The following GRIA4 variants were observed in gnomAD, a reference collection of about 807,000 sequenced individuals.
The protein encoded by GRIA4 is glutamate ionotropic receptor AMPA type subunit 4, also known as glutamate receptor 4.
GRIA4 carries 34 observed loss-of-function variants against 104.0 expected under a neutral mutation model. The ratio of observed to expected loss-of-function variants is 0.33; its 90% CI spans 0.25 to 0.44. The LOEUF (loss-of-function observed/expected upper bound fraction) is 0.44. Among genes scored for constraint, GRIA4 ranks in the 20% least tolerant of loss-of-function variants. GRIA4 has a pLI of 1.00. For missense variants in GRIA4, 750 were observed against 1,096.5 expected (o/e 0.68, Z 4.46); for synonymous variants, 386 against 381.9 (o/e 1.01, Z -0.13).
At chr11:105,912,039 G>GAA in intron 10 of GRIA4, 2 of 1,113,552 alleles carry the variant, frequency 1.8e-6, no homozygotes, top group Non-Finnish European at 2.3e-6. Context: ...TGGACTACCA[G>GAA]AAAAAAAAAA....
At chr11:105,649,232 T>A (rs867399270) in intron 3 of GRIA4, among the ~76,000 whole-genome samples, 2 of 152,276 alleles carry the variant, frequency 1.3e-5, no homozygotes, top group Middle Eastern at 3.4e-3. Context: ...TATATTATAA[T>A]AGATCAGAGA....
intron 8 of GRIA4, among the ~76,000 whole-genome samples, chr11:105,904,919 T>C (rs753022214): frequency 2.0e-5 from 3 of 152,206 alleles, no homozygotes; most frequent in Middle Eastern, 3.4e-3. Flanking sequence ...TACTTTACAA[T>C]TGAGGGAGGA....
At chr11:105,643,483 T>C (rs1397754288) in intron 3 of GRIA4, among the ~76,000 whole-genome samples, 1 of 152,164 alleles carries the variant, frequency 6.6e-6, no homozygotes, top group Non-Finnish European at 1.5e-5. Context: ...CCATGTTTCT[T>C]TATGATTTAC....
chr11:105,921,310 T>G (rs919073050), intron 11 of GRIA4, among the ~76,000 whole-genome samples: 10 of 132,526 alleles, frequency 7.5e-5, no homozygotes, highest in South Asian at 5.6e-4. Flanking sequence ...CACTTGGGTG[T>G]GTGTGTGTGT....
At chr11:105,942,696 T>A (rs1477039049) in intron 14 of GRIA4, among the ~76,000 whole-genome samples, 1 of 152,110 alleles carries the variant, frequency 6.6e-6, no homozygotes, top group Non-Finnish European at 1.5e-5. Flanking sequence ...GTTTTTGTGA[T>A]GCTTTCATGC....
chr11:105,762,379 A>G (rs564155483), intron 4 of GRIA4, among the ~76,000 whole-genome samples: 11 of 152,208 alleles, frequency 7.2e-5, no homozygotes, highest in Non-Finnish European at 1.5e-4. Flanking sequence ...AGAGTCGGGT[A>G]AAAACGTTGC....
chr11:105,710,995 A>G (rs1953889561), intron 3 of GRIA4, among the ~76,000 whole-genome samples: 1 of 152,114 alleles, frequency 6.6e-6, no homozygotes, highest in South Asian at 2.1e-4. Flanking sequence ...AGCCATTAAG[A>G]AAAATTAATT....
At chr11:105,716,004 T>C (rs1954077169) in intron 3 of GRIA4, among the ~76,000 whole-genome samples, 1 of 152,206 alleles carries the variant, frequency 6.6e-6, no homozygotes, top group African/African-American at 2.4e-5. Context: ...AAAGTAGACA[T>C]ACAGGGCTCT....
At chr11:105,763,892 T>C (rs531795646) in intron 4 of GRIA4, among the ~76,000 whole-genome samples, 4 of 152,322 alleles carry the variant, frequency 2.6e-5, no homozygotes, top group Admixed American at 6.5e-5. Context: ...TTGGGAGCCA[T>C]TTAGCTCTTA....
intron 4 of GRIA4, among the ~76,000 whole-genome samples, chr11:105,859,397 G>A (rs1339184242): frequency 1.3e-5 from 2 of 152,160 alleles, no homozygotes; most frequent in Non-Finnish European, 2.9e-5. Context: ...CTAGGGTTCT[G>A]TCTGATTCCA....
chr11:105,673,996 A>C (rs1952457415), intron 3 of GRIA4, among the ~76,000 whole-genome samples: 1 of 152,036 alleles, frequency 6.6e-6, no homozygotes, highest in South Asian at 2.1e-4. Context: ...AGATTCAAAG[A>C]AAAGAGTTCT....
chr11:105,794,990 G>C (rs1942421397), intron 4 of GRIA4, among the ~76,000 whole-genome samples: 1 of 152,002 alleles, frequency 6.6e-6, no homozygotes, highest in Non-Finnish European at 1.5e-5. Flanking sequence ...AACTGTTATT[G>C]ACACACCATT....
intron 3 of GRIA4, among the ~76,000 whole-genome samples, chr11:105,626,390 C>A (rs954232145): frequency 3.9e-5 from 6 of 151,962 alleles, no homozygotes; most frequent in African/African-American, 9.7e-5. Flanking sequence ...GTATATTTAA[C>A]CTTAATAGTC....
intron 4 of GRIA4, 85 bp downstream of exon 4, chr11:105,753,305 T>G: frequency 8.2e-7 from 1 of 1,214,676 alleles, no homozygotes; most frequent in Non-Finnish European, 1.2e-6. Context: ...TTTAGCAAAT[T>G]GTTTGATCTC....
At chr11:105,953,176 T>A (rs562787595) in intron 14 of GRIA4, among the ~76,000 whole-genome samples, 1 of 152,252 alleles carries the variant, frequency 6.6e-6, no homozygotes. Flanking sequence ...AAGGGTAGAA[T>A]TGCGAATGCA....
intron 4 of GRIA4, among the ~76,000 whole-genome samples, chr11:105,794,469 G>GTGTATATA (rs1427661928): frequency 2.0e-4 from 8 of 40,764 alleles, no homozygotes; most frequent in Non-Finnish European, 2.0e-4. Context: ...GTGTGTATAT[G>GTGTATATA]TATGTATATA....
At chr11:105,902,257 G>GT (rs1946885578) in intron 7 of GRIA4, among the ~76,000 whole-genome samples, 2 of 151,334 alleles carry the variant, frequency 1.3e-5, no homozygotes, top group African/African-American at 4.9e-5. Flanking sequence ...CCATGTTTTA[G>GT]TTTTTCTCTT....
chr11:105,935,870 T>A (rs1360711237), intron 14 of GRIA4, among the ~76,000 whole-genome samples: 1 of 152,162 alleles, frequency 6.6e-6, no homozygotes, highest in Non-Finnish European at 1.5e-5. Context: ...AAGGGCTTCA[T>A]CTGTCCAGAA....
At chr11:105,841,296 C>A (rs923045539) in intron 4 of GRIA4, among the ~76,000 whole-genome samples, 3 of 151,974 alleles carry the variant, frequency 2.0e-5, no homozygotes, top group African/African-American at 7.2e-5. Flanking sequence ...CATCTAATAT[C>A]CTCATCACTT....
Sources: gnomAD v4.1 joint callset for allele counts (sites outside exome capture counted in the v4.1 genomes callset) on GRCh38, gnomAD v4.1.1 for gene constraint, MANE v1.5 for transcripts, NCBI Gene and HGNC (gene_info 2026-07-23, HGNC 2026-07-21) for gene names.